FXYD5: variants seen among roughly 807,000 people sequenced by gnomAD.
FXYD5 encodes FXYD domain containing ion transport regulator 5, also known as FXYD domain-containing ion transport regulator 5.
In FXYD5, 21 loss-of-function variants were observed where a neutral mutation model predicts 25.7. That is an observed-to-expected ratio of 0.82 (90% confidence interval 0.58 to 1.18). The LOEUF (loss-of-function observed/expected upper bound fraction) is 1.18. Ranked by LOEUF, FXYD5 falls within the 50% of genes most tolerant of loss-of-function variation. The pLI, the probability that FXYD5 is intolerant of heterozygous loss-of-function variation, is 0.00. For synonymous variants in FXYD5, 101 were observed against 90.7 expected (o/e 1.11, Z -0.64); for missense variants, 229 against 227.7 (o/e 1.01, Z -0.04).
Position 35,159,126 on chromosome 19 carries a change from C to CAA in FXYD5, c.199+739_199+740dup, listed in dbSNP as rs75150059. ...TGGGCAACAGAGCGAAACCCTGTCT[C>CAA]AAAAAAAAAAAAAAGTGCTCCCTGA... On this transcript the variant is annotated intron_variant, in intron 4 of 8. Coordinates refer to ENST00000392219, the MANE Select transcript of FXYD5 (RefSeq NM_014164.6). 1.9e-3 allele frequency among the ~76,000 whole-genome samples: 223 copies of CAA among 119,482 alleles called. 2 individuals are homozygous for CAA. Among genetic ancestry groups the CAA allele is most frequent in the African/African-American group, 6.8e-3 (219 of 32,244 alleles). The allele number at this position is 119,482 out of a possible 152,430, so 78.4% of individuals were successfully genotyped here. A position where few individuals can be genotyped will look rare whatever the true frequency, so the allele number is the denominator to read the frequency against.
chr19:35,159,786 G>A (rs1326547969), intron 4 of FXYD5: 1 of 1,015,774 alleles, frequency 9.8e-7, no homozygotes, highest in Admixed American at 3.1e-5. Context: ...GTGAGTAACT[G>A]GTTCAAGGTC....
intron 5 of FXYD5, among the ~76,000 whole-genome samples, chr19:35,163,724 T>C (rs1259467811): frequency 6.6e-6 from 1 of 152,094 alleles, no homozygotes; most frequent in Non-Finnish European, 1.5e-5. Context: ...TCAGGTGATC[T>C]GCCCGCCTCA....
At chr19:35,165,235 C>A (rs1311578313) in intron 6 of FXYD5, among the ~76,000 whole-genome samples, 2 of 152,238 alleles carry the variant, frequency 1.3e-5, no homozygotes, top group Non-Finnish European at 2.9e-5. Flanking sequence ...ATAGGCAGAG[C>A]AGCCCCACAG....
chr19:35,163,340 G>A (rs758222689), intron 5 of FXYD5, among the ~76,000 whole-genome samples: 5 of 152,082 alleles, frequency 3.3e-5, no homozygotes, highest in African/African-American at 4.8e-5. Flanking sequence ...TTCTTGTTGA[G>A]GCCTCCGATG....
intron 3 of FXYD5, 109 bp from the exon 4 acceptor site, chr19:35,158,235 C>T (rs950628523): frequency 2.4e-5 from 18 of 756,998 alleles, no homozygotes; most frequent in Non-Finnish European, 4.8e-6. Flanking sequence ...ATTTCTATTA[C>T]ATTAAAGTTG....
At chr19:35,169,062 C>A (rs867930567) in intron 8 of FXYD5, among the ~76,000 whole-genome samples, 90 of 127,230 alleles carry the variant, frequency 7.1e-4, no homozygotes, top group African/African-American at 6.5e-4. Context: ...GACTCTGTCT[C>A]AAAAAAAAAA....
intron 4 of FXYD5, among the ~76,000 whole-genome samples, chr19:35,160,398 G>A (rs150475920): frequency 5.3e-4 from 81 of 152,124 alleles, no homozygotes; most frequent in African/African-American, 1.8e-3. Context: ...TGCCCAGGTC[G>A]CTGTGCAATG....
At chr19:35,155,337 G>C in intron 1 of FXYD5, 1 of 588,194 alleles carries the variant, frequency 1.7e-6, no homozygotes, top group Non-Finnish European at 3.0e-6. Context: ...GTTTTCTTTG[G>C]GGACCTGCAG....
intron 8 of FXYD5, 113 bp downstream of exon 8, chr19:35,166,438 A>G (rs1303080725): frequency 1.5e-6 from 1 of 682,602 alleles, no homozygotes; most frequent in Non-Finnish European, 2.6e-6. Flanking sequence ...GGTATCTATT[A>G]GCTGCATATA....
At chr19:35,166,099 A>G (rs760272619) in intron 6 of FXYD5, 43 bp from the exon 7 acceptor site, 2 of 1,608,374 alleles carry the variant, frequency 1.2e-6, no homozygotes, top group East Asian at 2.2e-5. Flanking sequence ...TCACTTCACA[A>G]ACCTTTGCTG....
intron 8 of FXYD5, among the ~76,000 whole-genome samples, chr19:35,167,216 G>T (rs979215996): frequency 1.1e-4 from 17 of 152,310 alleles, no homozygotes; most frequent in African/African-American, 4.1e-4. Flanking sequence ...GTACAGGCAG[G>T]GCAATGAGAT....
In FXYD5 at chr19:35,169,575, G is replaced by A. The variant is rs755638996; in HGVS notation, c.497G>A (p.Cys166Tyr). ...TTTCCTTCACCCACAGGTGGCAAGT[G>A]CAGGCAGCTGTCCCGGTTATGCCGG... ...TGIIILTSGK[C>Y]RQLSRLCRNR... Residue 166 changes from cysteine to tyrosine, a missense_variant, in exon 9 of 9, where the codon TGC (cysteine) becomes TAC (tyrosine). Transcript: ENST00000392219. The A allele has an allele frequency of 1.6e-5, 25 of 1,609,812 alleles. No individual in the cohort carries two copies. Among genetic ancestry groups the A allele is most frequent in the South Asian group, 1.1e-5 (1 of 91,002 alleles).
chr19:35,159,672 T>A, intron 4 of FXYD5: 2 of 1,527,604 alleles, frequency 1.3e-6, no homozygotes, highest in Admixed American at 4.3e-5. Context: ...GTGCTGGTCA[T>A]GGTTCTAAAT....
chr19:35,158,715 C>A (rs891876415), intron 4 of FXYD5, among the ~76,000 whole-genome samples: 5 of 152,134 alleles, frequency 3.3e-5, no homozygotes, highest in Non-Finnish European at 7.4e-5. Context: ...TTTGCAAACA[C>A]CCCCAGAAAG....
chr19:35,159,260 A>T (rs2065384051), intron 4 of FXYD5, among the ~76,000 whole-genome samples: 1 of 152,026 alleles, frequency 6.6e-6, no homozygotes, highest in Admixed American at 6.6e-5. Flanking sequence ...CCCCTCCCCA[A>T]TCCTCGTTCT....
In FXYD5 at chr19:35,164,191, A is replaced by G; in HGVS notation, c.328A>G (p.Arg110Gly). The change falls in exon 6 of 9, where the codon AGA becomes GGA. Residue 110 changes from arginine to glycine, a missense_variant. Physicochemically the swap from Arg to Gly is moderately radical, Grantham distance 125. Transcript: ENST00000392219. ...TGATGACACCACGACGCTCTCTGAG[A>G]GACCATCCCCAAGCACAGACGTCCA... The part of the protein sequence containing the change: ...PTDDTTTLSE[R>G]PSPSTDVQTD... 1 of 1,614,052 alleles carries G rather than the reference A, an allele frequency of 6.2e-7. No homozygotes were observed. Among genetic ancestry groups the G allele is most frequent in the Non-Finnish European group, 8.5e-7 (1 of 1,179,984 alleles).
At chr19:35,162,795 G>A (rs2065417627) in intron 5 of FXYD5, among the ~76,000 whole-genome samples, 1 of 152,186 alleles carries the variant, frequency 6.6e-6, no homozygotes, top group African/African-American at 2.4e-5. Flanking sequence ...GAGGTCACAA[G>A]CTTCCTTTTG....
chr19:35,160,614 G>A, intron 4 of FXYD5, 95 bp from the exon 5 acceptor site: 5 of 817,768 alleles, frequency 6.1e-6, no homozygotes, highest in Non-Finnish European at 1.1e-5. Context: ...CCAAAGTGCT[G>A]GGAATACAGA....
chr19:35,166,266 G>C lies in FXYD5; in HGVS notation c.428G>C (p.Arg143Pro). The change falls in exon 8 of 9, where the codon CGG (arginine) becomes CCG (proline). Residue 143 changes from arginine (R) to proline (P), a missense_variant. Coordinates refer to ENST00000392219, the MANE Select transcript of FXYD5 (RefSeq NM_014164.6). ...DPFFYDEHTL[R>P]KRGLLVAAVL... ...CTCTCTGCAGATGAACACACCCTCC[G>C]GAAACGGGGGCTGTTGGTCGCAGCT... The C allele has an allele frequency of 6.2e-7, 1 of 1,611,912 alleles. No homozygotes were observed. Among genetic ancestry groups the C allele is most frequent in the South Asian group, 1.1e-5 (1 of 90,932 alleles).
Sources: allele counts gnomAD v4.1 joint callset (sites outside exome capture counted in the v4.1 genomes callset), GRCh38; gene constraint gnomAD v4.1.1; transcripts MANE v1.5; gene names NCBI Gene and HGNC (gene_info 2026-07-23, HGNC 2026-07-21).